MAF: variants seen among roughly 807,000 people sequenced by gnomAD.
MAF encodes MAF bZIP transcription factor.
In MAF, 10 loss-of-function variants were observed where a neutral mutation model predicts 22.0. The ratio of observed to expected loss-of-function variants is 0.45; its 90% CI spans 0.28 to 0.77. The LOEUF is 0.77. Among genes scored for constraint, MAF ranks in the 30% least tolerant of loss-of-function variants. The pLI is 0.12. For synonymous variants in MAF, 337 were observed against 255.8 expected, an observed-to-expected ratio of 1.32 and a Z score of -3.03; for missense variants, 544 against 548.4, an observed-to-expected ratio of 0.99 and a Z score of 0.08.
chr16:79,286,731 C>G, the MAF span, among the ~76,000 whole-genome samples: 2 of 152,216 alleles, frequency 1.3e-5, no homozygotes, highest in East Asian at 1.9e-4. Context: ...ACAACCCAGA[C>G]AGAGGCAAAT....
At chr16:79,295,272 T>C in the MAF span, among the ~76,000 whole-genome samples, 1 of 152,294 alleles carries the variant, frequency 6.6e-6, no homozygotes, top group African/African-American at 2.4e-5. Context: ...AAATTAAATG[T>C]AAAGGAGTTT....
the MAF span, among the ~76,000 whole-genome samples, chr16:79,260,771 A>G: frequency 6.6e-6 from 1 of 152,112 alleles, no homozygotes. Flanking sequence ...CTTTGGTATG[A>G]TATAGGAGCT....
chr16:79,258,256 G>C, the MAF span, among the ~76,000 whole-genome samples: 2 of 152,186 alleles, frequency 1.3e-5, no homozygotes, highest in East Asian at 3.9e-4. Flanking sequence ...CATGCAGTCT[G>C]CTCGTAAAAC....
At chr16:79,414,977 T>A in the MAF span, among the ~76,000 whole-genome samples, 2 of 152,222 alleles carry the variant, frequency 1.3e-5, no homozygotes, top group African/African-American at 4.8e-5. Context: ...CAGGAAATTC[T>A]GCACCAGCTC....
the MAF span, among the ~76,000 whole-genome samples, chr16:79,335,614 G>T: frequency 2.0e-5 from 3 of 152,144 alleles, no homozygotes; most frequent in African/African-American, 7.2e-5. Flanking sequence ...CAGAGAAGCA[G>T]GCAGGGACCC....
At chr16:79,217,600 C>G in the MAF span, among the ~76,000 whole-genome samples, 4 of 152,168 alleles carry the variant, frequency 2.6e-5, no homozygotes, top group Admixed American at 1.3e-4. Context: ...ATCCCGAGTT[C>G]TTCGCGCTCA....
At chr16:79,518,459 T>C in the MAF span, among the ~76,000 whole-genome samples, 33 of 152,282 alleles carry the variant, frequency 2.2e-4, no homozygotes, top group African/African-American at 6.5e-4. Context: ...AAACCACTGG[T>C]AGATCTTCTC....
chr16:79,254,300 TAG>T, the MAF span, among the ~76,000 whole-genome samples: 1 of 152,156 alleles, frequency 6.6e-6, no homozygotes, highest in African/African-American at 2.4e-5. Flanking sequence ...TGTATGCTGA[TAG>T]AGTTATTTAA....
At chr16:79,482,209 G>C in the MAF span, among the ~76,000 whole-genome samples, 1 of 152,200 alleles carries the variant, frequency 6.6e-6, no homozygotes, top group African/African-American at 2.4e-5. Flanking sequence ...AATAAGGGGA[G>C]ACCACAGTCA....
chr16:79,258,831 T>A, the MAF span, among the ~76,000 whole-genome samples: 2 of 152,172 alleles, frequency 1.3e-5, no homozygotes, highest in Admixed American at 6.5e-5. Context: ...AAGGTCTCTC[T>A]GCACTTCTGG....
At chr16:79,521,421 G>T in the MAF span, among the ~76,000 whole-genome samples, 3 of 152,100 alleles carry the variant, frequency 2.0e-5, no homozygotes, top group Admixed American at 6.5e-5. Flanking sequence ...ATGAGGAAAG[G>T]GAAAAGTTCG....
chr16:79,235,502 G>T, the MAF span, among the ~76,000 whole-genome samples: 4 of 151,904 alleles, frequency 2.6e-5, no homozygotes, highest in East Asian at 7.7e-4. Flanking sequence ...GGAGTTTGAG[G>T]GGCAACCGCA....
At chr16:79,207,657 T>G in the MAF span, among the ~76,000 whole-genome samples, 1 of 152,234 alleles carries the variant, frequency 6.6e-6, no homozygotes, top group East Asian at 1.9e-4. Flanking sequence ...GACAGGAATC[T>G]CCTCTTTCTT....
the MAF span, among the ~76,000 whole-genome samples, chr16:79,499,929 T>C: frequency 1.3e-5 from 2 of 152,222 alleles, no homozygotes; most frequent in African/African-American, 2.4e-5. Flanking sequence ...ATTATTCTGG[T>C]TGACCATAAA....
the MAF span, among the ~76,000 whole-genome samples, chr16:79,575,272 C>G: frequency 6.6e-6 from 1 of 152,102 alleles, no homozygotes; most frequent in Non-Finnish European, 1.5e-5. Context: ...TGCCATGACC[C>G]CATTATCAGA....
At chr16:79,337,031 A>G in the MAF span, among the ~76,000 whole-genome samples, 1 of 152,194 alleles carries the variant, frequency 6.6e-6, no homozygotes, top group African/African-American at 2.4e-5. Flanking sequence ...AAATCATCAG[A>G]CTGTTTAGAA....
At chr16:79,269,888 A>G in the MAF span, among the ~76,000 whole-genome samples, 1 of 152,182 alleles carries the variant, frequency 6.6e-6, no homozygotes, top group African/African-American at 2.4e-5. Flanking sequence ...ATCGTCACCC[A>G]AGCAAGGTCT....
chr16:79,220,953 T>C, the MAF span, among the ~76,000 whole-genome samples: 1 of 152,204 alleles, frequency 6.6e-6, no homozygotes, highest in Non-Finnish European at 1.5e-5. Context: ...CAACTCTCTT[T>C]CCCGTCTGGA....
chr16:79,218,122 A>T, the MAF span, among the ~76,000 whole-genome samples: 1 of 151,928 alleles, frequency 6.6e-6, no homozygotes, highest in Non-Finnish European at 1.5e-5. Context: ...GTAATATCAC[A>T]AATTATTATT....
Sources: gnomAD v4.1 joint callset for allele counts (sites outside exome capture counted in the v4.1 genomes callset) on GRCh38, gnomAD v4.1.1 for gene constraint, MANE v1.5 for transcripts, NCBI Gene and HGNC (gene_info 2026-07-23, HGNC 2026-07-21) for gene names.